The following FTCDNL1 variants were observed in gnomAD, a reference collection of about 807,000 sequenced individuals.
The protein encoded by FTCDNL1 is formiminotransferase cyclodeaminase N-terminal like, also known as formiminotransferase N-terminal subdomain-containing protein.
In FTCDNL1, 11 loss-of-function variants were observed where a neutral mutation model predicts 5.9. That is an observed-to-expected ratio of 1.87 (90% CI 1.18 to 3.10). FTCDNL1 has a LOEUF of 3.10. Among genes scored for constraint, FTCDNL1 ranks in the 30% most tolerant of loss-of-function variants. FTCDNL1 has a pLI of 0.00. For missense variants in FTCDNL1, 115 were observed against 65.5 expected, an observed-to-expected ratio of 1.76 and a Z score of -2.61; for synonymous variants, 58 against 24.8, an observed-to-expected ratio of 2.34 and a Z score of -3.99.
chr2:199,665,027 C>A, the FTCDNL1 span, among the ~76,000 whole-genome samples: 585 of 152,330 alleles, frequency 3.8e-3, 7 homozygotes, highest in African/African-American at 0.013. Context: ...ACACTCTCAA[C>A]ATTTACCAGC....
At chr2:199,839,891 A>G (rs1341622399) in intron 3 of FTCDNL1, among the ~76,000 whole-genome samples, 1 of 152,172 alleles carries the variant, frequency 6.6e-6, no homozygotes, top group Non-Finnish European at 1.5e-5. Flanking sequence ...AGGGTCACCA[A>G]TGTACTTCAT....
At chr2:199,828,243 C>T (rs557722192) in intron 3 of FTCDNL1, among the ~76,000 whole-genome samples, 3 of 152,226 alleles carry the variant, frequency 2.0e-5, no homozygotes, top group East Asian at 3.9e-4. Context: ...TTCAAAAAGG[C>T]TAATTTTGAT....
the FTCDNL1 span, among the ~76,000 whole-genome samples, chr2:199,731,410 G>T: frequency 3.3e-5 from 5 of 152,148 alleles, no homozygotes; most frequent in Non-Finnish European, 5.9e-5. Flanking sequence ...CTAATTGAGA[G>T]AATTTATTTC....
chr2:199,670,842 G>T, the FTCDNL1 span, among the ~76,000 whole-genome samples: 1 of 152,114 alleles, frequency 6.6e-6, no homozygotes, highest in African/African-American at 2.4e-5. Flanking sequence ...GGTTAGATGG[G>T]CCAGATACAG....
At chr2:199,769,417 C>G (rs759825003) in intron 3 of FTCDNL1, among the ~76,000 whole-genome samples, 1 of 152,164 alleles carries the variant, frequency 6.6e-6, no homozygotes, top group Non-Finnish European at 1.5e-5. Flanking sequence ...CACAAGTCCT[C>G]TTGCCTGCCA....
the FTCDNL1 span, among the ~76,000 whole-genome samples, chr2:199,720,617 A>G: frequency 1.3e-5 from 2 of 152,168 alleles, no homozygotes; most frequent in Non-Finnish European, 2.9e-5. Flanking sequence ...TTATCTTCAC[A>G]TGGTCTTTTT....
chr2:199,763,408 G>T (rs1052941796), intron 3 of FTCDNL1, among the ~76,000 whole-genome samples: 1 of 152,138 alleles, frequency 6.6e-6, no homozygotes, highest in Non-Finnish European at 1.5e-5. Context: ...GGGTGGGAGG[G>T]GACAGGGGAT....
At chr2:199,785,984 T>C (rs1033423444) in intron 3 of FTCDNL1, among the ~76,000 whole-genome samples, 5 of 152,154 alleles carry the variant, frequency 3.3e-5, no homozygotes, top group Admixed American at 2.6e-4. Flanking sequence ...ATCCCCTACA[T>C]GTGCAGTTCA....
chr2:199,776,062 C>T (rs74830094), intron 3 of FTCDNL1, among the ~76,000 whole-genome samples: 3,185 of 152,028 alleles, frequency 0.021, 199 homozygotes, highest in Admixed American at 0.12. Context: ...TACAGGCGCC[C>T]GCCACCACGC....
In FTCDNL1 at chr2:199,845,321, C is replaced by T. The variant is rs185131109; in HGVS notation, c.211+754G>A. Among the ~76,000 whole-genome samples, 610 of 152,182 alleles carry T rather than the reference C, an allele frequency of 4.0e-3. 8 individuals are homozygous for T. Among genetic ancestry groups the T allele is most frequent in the African/African-American group, 0.014 (569 of 41,516 alleles). On this transcript the variant is annotated intron_variant, in intron 3 of 4. Transcript: ENST00000420128. Reference sequence around the variant, plus strand: ...GTGGCTCAATCCTATAATCCCAGCACTTTGGGAGGCTGAGGCAGGCAAATC... The same window carrying T: ...GTGGCTCAATCCTATAATCCCAGCATTTTGGGAGGCTGAGGCAGGCAAATC...
intron 3 of FTCDNL1, among the ~76,000 whole-genome samples, chr2:199,792,481 G>C (rs1380339459): frequency 6.6e-6 from 1 of 152,074 alleles, no homozygotes; most frequent in Non-Finnish European, 1.5e-5. Flanking sequence ...TACTTAGGGG[G>C]TTGTATATTC....
intron 3 of FTCDNL1, among the ~76,000 whole-genome samples, chr2:199,828,075 G>T (rs868238756): frequency 6.6e-6 from 1 of 152,134 alleles, no homozygotes; most frequent in African/African-American, 2.4e-5. Context: ...AATAACATTT[G>T]TGTTTCTAAT....
chr2:199,706,415 C>A, the FTCDNL1 span, among the ~76,000 whole-genome samples: 1 of 152,166 alleles, frequency 6.6e-6, no homozygotes, highest in African/African-American at 2.4e-5. Context: ...ATCTCTGTCA[C>A]CTTGGGCACT....
intron 3 of FTCDNL1, among the ~76,000 whole-genome samples, chr2:199,825,477 CA>C (rs1264051488): frequency 6.6e-6 from 1 of 152,176 alleles, no homozygotes; most frequent in East Asian, 1.9e-4. Context: ...CTCCGAATCT[CA>C]TGTTGAAATG....
intron 3 of FTCDNL1, among the ~76,000 whole-genome samples, chr2:199,833,587 C>T (rs1043710566): frequency 6.6e-6 from 1 of 152,214 alleles, no homozygotes; most frequent in Non-Finnish European, 1.5e-5. Context: ...GTATAAATAG[C>T]CTTCAGCATT....
At chr2:199,802,014 T>C (rs1276923843) in intron 3 of FTCDNL1, among the ~76,000 whole-genome samples, 1 of 151,494 alleles carries the variant, frequency 6.6e-6, no homozygotes, top group Non-Finnish European at 1.5e-5. Context: ...GAACCAAGCA[T>C]AGGACCCTGT....
intron 3 of FTCDNL1, among the ~76,000 whole-genome samples, chr2:199,785,845 G>A (rs1011106957): frequency 2.0e-5 from 3 of 152,058 alleles, no homozygotes; most frequent in Non-Finnish European, 4.4e-5. Context: ...CTAAATCAGT[G>A]GTCCCCAAAC....
chr2:199,848,124 TTGTG>T (rs1488450829), intron 2 of FTCDNL1, among the ~76,000 whole-genome samples: 7 of 152,374 alleles, frequency 4.6e-5, no homozygotes, highest in African/African-American at 9.6e-5. Flanking sequence ...GTATACACTG[TTGTG>T]TGTATTAGTG....
intron 3 of FTCDNL1, among the ~76,000 whole-genome samples, chr2:199,770,626 C>T (rs1175080941): frequency 7.2e-5 from 11 of 152,084 alleles, no homozygotes; most frequent in African/African-American, 2.7e-4. Flanking sequence ...ATGCATTATC[C>T]TTCACATATC....
Sources: allele counts gnomAD v4.1 joint callset (sites outside exome capture counted in the v4.1 genomes callset), GRCh38; gene constraint gnomAD v4.1.1; transcripts MANE v1.5; gene names NCBI Gene and HGNC (gene_info 2026-07-23, HGNC 2026-07-21).